Variants in PTRH1 observed in about 807,000 individuals in gnomAD.
PTRH1 encodes the protein peptidyl-tRNA hydrolase.
Under a neutral mutation model 15.7 loss-of-function variants are expected in PTRH1, and 13 were observed. That is an observed-to-expected ratio of 0.83 (90% CI 0.54 to 1.31). The LOEUF is 1.31. Ranked by LOEUF, PTRH1 falls within the 40% of genes most tolerant of loss-of-function variation. PTRH1 has a pLI of 0.00. For synonymous variants in PTRH1, 139 were observed against 136.7 expected, an observed-to-expected ratio of 1.02 and a Z score of -0.12; for missense variants, 319 against 296.2, an observed-to-expected ratio of 1.08 and a Z score of -0.56.
At chr9:127,710,726 GAGA>G (rs912623993), downstream of PTRH1, 19 of 1,569,984 alleles carry the variant, frequency 1.2e-5, no homozygotes, top group South Asian at 4.7e-5. Flanking sequence ...ATACAACCTG[GAGA>G]AGAAGTCGGT....
In PTRH1 at chr9:127,715,157, C is replaced by T; in HGVS notation, c.134G>A (p.Arg45Gln). Residue 45 changes from arginine (R) to glutamine (Q), a missense_variant, in exon 2 of 5, where the codon CGA becomes CAA. By Grantham distance (43) the Arg-to-Gln change is conservative (BLOSUM62 1). Coordinates refer to ENST00000543175, the MANE Select transcript of PTRH1 (RefSeq NM_001002913.3). This position sits in a 1 kb window ranked among gnomAD's most constrained non-coding sequence, Gnocchi z 5.8. ...CAGCACCGCCATGCCCACGCTGTGT[C>T]GCGTGCCGGGCAGTCCGGGATTCCC... Reference protein sequence around the residue: ...GLGNPGLPGTRHSVGMAVLGQ... With the variant: ...GLGNPGLPGTQHSVGMAVLGQ... 1 of 1,534,542 alleles carries T rather than the reference C, an allele frequency of 6.5e-7. No homozygotes were observed. The highest frequency in any genetic ancestry group is 8.7e-7 in the Non-Finnish European group (1 of 1,146,102).
In PTRH1 at chr9:127,714,120, C is replaced by T; in HGVS notation, c.625G>A (p.Gly209Arg). ...TAGTGTCACGGCCCCAGTGAGGGCC[C>T]CTGGCTTCGCTCACGGATGTGGTCC... ...ILDHIRERSQ[G>R]PSLGP The change falls in exon 5 of 5, where the codon GGG (glycine) becomes AGG (arginine). Residue 209 changes from glycine (G) to arginine (R), a missense_variant. Physicochemically the swap from Gly to Arg is moderately radical, Grantham distance 125. Coordinates refer to ENST00000543175, the MANE Select transcript of PTRH1 (RefSeq NM_001002913.3). 6.2e-7 allele frequency: 1 copy of T among 1,613,296 alleles called. No individual in the cohort carries two copies.
intron 1 of PTRH1, among the ~76,000 whole-genome samples, chr9:127,701,971 C>G (rs956442620): frequency 6.6e-6 from 1 of 151,902 alleles, no homozygotes; most frequent in Non-Finnish European, 1.5e-5. Context: ...CCTGTAATCT[C>G]GACACCTTGA....
At chr9:127,711,758 G>A, downstream of PTRH1, 2 of 1,523,102 alleles carry the variant, frequency 1.3e-6, no homozygotes, top group Non-Finnish European at 1.8e-6. Context: ...GGGAGGCCTG[G>A]CTGTGTCTGC....
intron 1 of PTRH1, among the ~76,000 whole-genome samples, chr9:127,701,034 C>T (rs1031787717): frequency 6.6e-6 from 1 of 152,220 alleles, no homozygotes; most frequent in Non-Finnish European, 1.5e-5. Context: ...ATGGTACATG[C>T]ATGTTTGTTC....
At chr9:127,712,813 G>A (rs767206683), downstream of PTRH1, 45 of 1,613,992 alleles carry the variant, frequency 2.8e-5, no homozygotes, top group Middle Eastern at 1.6e-4. Flanking sequence ...CTGTGGCCAC[G>A]AGACCTCAGA....
At chr9:127,709,662 G>C, downstream of PTRH1, 1 of 1,613,706 alleles carries the variant, frequency 6.2e-7, no homozygotes, top group Non-Finnish European at 8.5e-7. The surrounding 1 kb of genome is among the most constrained non-coding windows in gnomAD (Gnocchi z 4.7). Flanking sequence ...AGGAGACCAA[G>C]GACCAGCTCA....
At chr9:127,709,336 G>A, downstream of PTRH1, 1 of 1,398,772 alleles carries the variant, frequency 7.1e-7, no homozygotes, top group Admixed American at 2.1e-5. This position sits in a 1 kb window ranked among gnomAD's most constrained non-coding sequence, Gnocchi z 4.7. Flanking sequence ...TTACGGGACA[G>A]GGAGTCCAGG....
intron 1 of PTRH1, among the ~76,000 whole-genome samples, chr9:127,702,579 CTTAA>C (rs1842612280): frequency 6.6e-6 from 1 of 152,148 alleles, no homozygotes; most frequent in Non-Finnish European, 1.5e-5. Flanking sequence ...TTTGTGTCAT[CTTAA>C]TTGACAGATC....
intron 1 of PTRH1, chr9:127,696,072 T>C (rs1842557574): frequency 6.6e-6 from 1 of 152,250 alleles, no homozygotes; most frequent in Non-Finnish European, 1.5e-5. Context: ...GCACAGTGGC[T>C]CATGCCTGTA....
At chr9:127,711,232 G>A (rs376783072), downstream of PTRH1, 68 of 1,613,716 alleles carry the variant, frequency 4.2e-5, no homozygotes, top group African/African-American at 7.9e-4. Context: ...TGGCCAGACT[G>A]AGGAAAGAGA....
At chr9:127,711,500 T>C, downstream of PTRH1, 2 of 1,612,140 alleles carry the variant, frequency 1.2e-6, no homozygotes, top group Non-Finnish European at 1.7e-6. Flanking sequence ...CCAGAAGGTG[T>C]GCCTGCAGGC....
downstream of PTRH1, chr9:127,709,359 G>C (rs1459122504): frequency 1.3e-6 from 2 of 1,552,276 alleles, no homozygotes; most frequent in African/African-American, 2.7e-5. This position sits in a 1 kb window ranked among gnomAD's most constrained non-coding sequence, Gnocchi z 4.7. Flanking sequence ...AGTGGGCCCA[G>C]CTGCACCAGA....
At chr9:127,702,148 C>T (rs1165544222) in intron 1 of PTRH1, among the ~76,000 whole-genome samples, 4 of 151,956 alleles carry the variant, frequency 2.6e-5, no homozygotes, top group Non-Finnish European at 4.4e-5. Flanking sequence ...CCGAGGTGGG[C>T]GGATCACGAG....
In PTRH1 at chr9:127,715,162, G is replaced by A. The variant is rs989276337; in HGVS notation, c.129C>T (p.Gly43=). The A allele has an allele frequency of 6.5e-7, 1 of 1,533,464 alleles. No individual in the cohort carries two copies. The highest frequency in any genetic ancestry group is 1.2e-5 in the South Asian group (1 of 83,664). 95.0% of individuals were successfully genotyped at this position (1,533,464 alleles called of 1,614,324 possible). ...VAGLGNPGLP[G]TRHSVGMAVL... ...CCGCCATGCCCACGCTGTGTCGCGT[G>A]CCGGGCAGTCCGGGATTCCCCAGGC... The change falls in exon 2 of 5, where the codon GGC becomes GGT. Residue 43 remains glycine, a synonymous_variant. Coordinates refer to ENST00000543175, the MANE Select transcript of PTRH1 (RefSeq NM_001002913.3). The surrounding 1 kb of genome is among the most constrained non-coding windows in gnomAD (Gnocchi z 5.8).
In PTRH1 at chr9:127,701,398, G is replaced by A. The variant is rs1402749587; in HGVS notation, c.206-6257C>T. On this transcript the variant is annotated intron_variant, in intron 1 of 2. Transcript: ENST00000335223. ...GCCACTCACTTTAATAAGGGCATAG[G>A]AGCAGGGATCTATTAGTTGAATAAA... 2.6e-5 allele frequency among the ~76,000 whole-genome samples: 4 copies of A among 152,148 alleles called. No individual in the cohort carries two copies. The East Asian group carries it at 7.7e-4, about 29-fold the overall frequency.
intron 1 of PTRH1, among the ~76,000 whole-genome samples, chr9:127,696,722 C>T (rs1309033006): frequency 1.3e-5 from 2 of 152,054 alleles, no homozygotes; most frequent in East Asian, 1.9e-4. Context: ...ATTAGCTGGG[C>T]GTGGTGGTGG....
rs894956054 is a variant in PTRH1, at chr9:127,715,343, C to T, written c.97-149G>A. 49 of 1,230,918 alleles carry T rather than the reference C, an allele frequency of 4.0e-5. No homozygotes were observed. Among genetic ancestry groups the T allele is most frequent in the Non-Finnish European group, 5.1e-5 (44 of 867,580 alleles). 76.2% of individuals were successfully genotyped at this position (1,230,918 alleles called of 1,614,324 possible). On this transcript the variant is annotated intron_variant, in intron 1 of 4. Transcript: ENST00000543175. The surrounding 1 kb of genome is among the most constrained non-coding windows in gnomAD (Gnocchi z 5.8). ...CGAAGAAGGGGCCCAGAAACCCGAC[C>T]CCTGAGAACTCCAGAAGGCTGGGCA...
At chr9:127,701,824 G>C (rs1842605511) in intron 1 of PTRH1, among the ~76,000 whole-genome samples, 3 of 151,948 alleles carry the variant, frequency 2.0e-5, no homozygotes, top group African/African-American at 7.3e-5. Context: ...TGCAGCAGGA[G>C]AATTGCTTGA....
Sources: allele counts gnomAD v4.1 joint callset (sites outside exome capture counted in the v4.1 genomes callset), GRCh38; gene constraint gnomAD v4.1.1; non-coding constraint Gnocchi (gnomAD v3.1); transcripts MANE v1.5; gene names NCBI Gene and HGNC (gene_info 2026-07-23, HGNC 2026-07-21).